The following NCKAP5 variants were observed in gnomAD, a reference collection of about 807,000 sequenced individuals.
NCKAP5 encodes nck-associated protein 5.
A neutral mutation model predicts 167.0 loss-of-function variants in NCKAP5; 92 were observed. The ratio of observed to expected loss-of-function variants is 0.55; its 90% CI spans 0.47 to 0.66. The LOEUF is 0.66. Ranked by LOEUF, NCKAP5 falls within the 30% of genes least tolerant of loss-of-function variation. NCKAP5 has a pLI of 0.00. For synonymous variants in NCKAP5, 891 were observed against 877.4 expected, an observed-to-expected ratio of 1.02 and a Z score of -0.27; for missense variants, 2,378 against 2,315.0, an observed-to-expected ratio of 1.03 and a Z score of -0.56.
intron 4 of NCKAP5, among the ~76,000 whole-genome samples, chr2:133,234,496 T>C (rs1471248094): frequency 6.6e-6 from 1 of 152,162 alleles, no homozygotes; most frequent in Non-Finnish European, 1.5e-5. Flanking sequence ...ACAACACTGA[T>C]TCTCCATGAG....
chr2:132,904,603 G>A (rs1003617221), intron 8 of NCKAP5, among the ~76,000 whole-genome samples: 1 of 152,108 alleles, frequency 6.6e-6, no homozygotes, highest in Non-Finnish European at 1.5e-5. Context: ...TTTCTGGAAA[G>A]GCTATATCAA....
intron 8 of NCKAP5, among the ~76,000 whole-genome samples, chr2:132,897,654 T>A (rs971452949): frequency 1.3e-5 from 2 of 152,160 alleles, no homozygotes; most frequent in African/African-American, 4.8e-5. Context: ...GGATTCCAGA[T>A]CACCGCAATA....
intron 11 of NCKAP5, among the ~76,000 whole-genome samples, chr2:132,851,941 T>A (rs1689112600): frequency 1.3e-5 from 2 of 152,154 alleles, no homozygotes; most frequent in Admixed American, 6.5e-5. Flanking sequence ...CTTAATCTTT[T>A]CGTGCCGGGA....
chr2:132,700,374 G>A (rs1166704647), intron 19 of NCKAP5, among the ~76,000 whole-genome samples: 3 of 152,110 alleles, frequency 2.0e-5, no homozygotes, highest in Admixed American at 6.5e-5. Flanking sequence ...ATTGCTTTTG[G>A]TGTTTTAGTC....
intron 8 of NCKAP5, among the ~76,000 whole-genome samples, chr2:132,947,607 C>T (rs542008930): frequency 1.1e-3 from 174 of 152,196 alleles, no homozygotes; most frequent in Non-Finnish European, 1.8e-3. Flanking sequence ...TATGTGAAAT[C>T]TACTGCCTGG....
At chr2:133,647,753 GAAAAGAAAAGAAAAAAGAAAA>G in the NCKAP5 span, among the ~76,000 whole-genome samples, 1 of 144,756 alleles carries the variant, frequency 6.9e-6, no homozygotes, top group Non-Finnish European at 1.5e-5. Context: ...AGGAAGGAAA[GAAAAGAAAAGAAAAAAGAAAA>G]GAAAAAAAAG....
intron 7 of NCKAP5, among the ~76,000 whole-genome samples, chr2:132,975,799 C>A (rs1573608362): frequency 6.6e-6 from 1 of 151,116 alleles, no homozygotes; most frequent in South Asian, 2.1e-4. Context: ...AAAAAAAAAA[C>A]CTCATAACTT....
chr2:133,474,805 T>TG (rs1648042694), intron 3 of NCKAP5, among the ~76,000 whole-genome samples: 1 of 151,834 alleles, frequency 6.6e-6, no homozygotes, highest in South Asian at 2.1e-4. Flanking sequence ...CTAGGGTTTT[T>TG]TTTTTGTTGT....
At chr2:132,869,332 A>C (rs1296645163) in intron 9 of NCKAP5, among the ~76,000 whole-genome samples, 1 of 152,166 alleles carries the variant, frequency 6.6e-6, no homozygotes, top group Non-Finnish European at 1.5e-5. Context: ...CAGTTTCTAC[A>C]CTTTGCTGAT....
chr2:132,826,357 G>A (rs1332320722), intron 11 of NCKAP5, among the ~76,000 whole-genome samples: 1 of 152,038 alleles, frequency 6.6e-6, no homozygotes, highest in African/African-American at 2.4e-5. Flanking sequence ...TGGGAGTTAT[G>A]GGGTGTGAAA....
intron 4 of NCKAP5, among the ~76,000 whole-genome samples, chr2:133,295,798 C>T (rs1325796521): frequency 6.6e-6 from 1 of 152,138 alleles, no homozygotes; most frequent in Non-Finnish European, 1.5e-5. Context: ...GCAGATATAG[C>T]TTGTTCAAAT....
At position 132,786,070 on chromosome 2, in the gene NCKAP5, C is replaced by T. The variant is rs112949489; in HGVS notation, c.1093-352G>A. On this transcript the variant is annotated intron_variant, in intron 13 of 19. Transcript: ENST00000409261. Reference sequence around the variant, plus strand: ...ACTCTGGAGATTCAGAGGAGGGAGGCCACAGACAGGTCTATTTGGAGAAAG... The same window carrying T: ...ACTCTGGAGATTCAGAGGAGGGAGGTCACAGACAGGTCTATTTGGAGAAAG... 1.0e-3 allele frequency among the ~76,000 whole-genome samples: 158 copies of T among 152,214 alleles called. 1 individual carries two copies. The highest frequency in any genetic ancestry group is 3.8e-3 in the African/African-American group (156 of 41,530).
the NCKAP5 span, among the ~76,000 whole-genome samples, chr2:133,655,479 A>T: frequency 6.6e-6 from 1 of 152,098 alleles, no homozygotes. Flanking sequence ...CTATGACTGA[A>T]CACTCTCCAT....
intron 6 of NCKAP5, among the ~76,000 whole-genome samples, chr2:133,053,283 T>C (rs1035620006): frequency 2.0e-5 from 3 of 152,210 alleles, no homozygotes; most frequent in Admixed American, 6.5e-5. Context: ...GAAAGAAAGA[T>C]GCTGTCTCCT....
In NCKAP5 at chr2:132,782,111, T is replaced by C. The variant is rs755696239; in HGVS notation, c.4700A>G (p.Glu1567Gly). The C allele has an allele frequency of 9.9e-6, 16 of 1,613,946 alleles. No individual in the cohort carries two copies. The highest frequency in any genetic ancestry group is 1.3e-5 in the Non-Finnish European group (15 of 1,179,908). Residue 1567 changes from glutamate to glycine, a missense_variant, in exon 14 of 20, where the codon GAG (glutamate) becomes GGG (glycine). Transcript: ENST00000409261. ...TGCTGACTTGGTGTCCTTGATAAGC[T>C]CATTTTCTGTCTCACACTGTAGTTC... ...KPELQCETEN[E>G]LIKDTKSADN...
intron 3 of NCKAP5, among the ~76,000 whole-genome samples, chr2:133,455,023 G>C (rs538300555): frequency 1.3e-5 from 2 of 151,890 alleles, no homozygotes; most frequent in African/African-American, 4.8e-5. Flanking sequence ...AAAATATTTC[G>C]TGTTGACTTG....
At chr2:132,895,713 A>T (rs1693132928) in intron 8 of NCKAP5, among the ~76,000 whole-genome samples, 1 of 151,548 alleles carries the variant, frequency 6.6e-6, no homozygotes, top group Non-Finnish European at 1.5e-5. Context: ...ACTACAAAAG[A>T]GACATCTGTT....
At chr2:132,841,122 T>G (rs1688267661) in intron 11 of NCKAP5, among the ~76,000 whole-genome samples, 1 of 152,190 alleles carries the variant, frequency 6.6e-6, no homozygotes, top group Non-Finnish European at 1.5e-5. Flanking sequence ...TTAAATATAA[T>G]AGCTTTATAG....
intron 6 of NCKAP5, among the ~76,000 whole-genome samples, chr2:133,090,123 T>A (rs1254609461): frequency 6.6e-6 from 1 of 151,622 alleles, no homozygotes; most frequent in Non-Finnish European, 1.5e-5. Context: ...TCCCAACACT[T>A]TCGGAGGCCA....
Sources: allele counts gnomAD v4.1 joint callset (sites outside exome capture counted in the v4.1 genomes callset), GRCh38; gene constraint gnomAD v4.1.1; transcripts MANE v1.5; gene names NCBI Gene and HGNC (gene_info 2026-07-23, HGNC 2026-07-21).